Variants in RBM33 observed in about 807,000 individuals in gnomAD.
The protein encoded by RBM33 is RNA-binding protein 33.
In RBM33, 28 loss-of-function variants were observed where a neutral mutation model predicts 132.6. That is an observed-to-expected ratio of 0.21 (90% CI 0.16 to 0.29). RBM33 has a LOEUF of 0.29. RBM33 is among the 10% of genes least tolerant of loss of function. The pLI is 1.00. For synonymous variants in RBM33, 634 were observed against 593.0 expected (o/e 1.07, Z -1.01); for missense variants, 1,291 against 1,518.5 (o/e 0.85, Z 2.49).
chr7:155,711,211 T>A lies in RBM33; in HGVS notation c.957T>A (p.Ala319=). 1.3e-6 allele frequency: 2 copies of A among 1,556,030 alleles called. No individual in the cohort carries two copies. The highest frequency in any genetic ancestry group is 1.7e-6 in the Non-Finnish European group (2 of 1,150,982). ...GGTTAATTCCTCCACAGCCCCAGGC[T>A]CCCCCTCCACCGCCACCGCCGCCTC... The part of the protein sequence containing the change: ...LPTQPPVVPQ[A]PPPPPPPPQQ... Residue 319 remains alanine, a synonymous_variant, in exon 8 of 18, where the codon GCT becomes GCA. Transcript: ENST00000401878.
At position 155,680,572 on chromosome 7, in the gene RBM33, TA is replaced by T; in HGVS notation, c.249-17del. On this transcript the variant is annotated splice_polypyrimidine_tract_variant and intron_variant, in intron 4 of 17. Coordinates refer to ENST00000401878, the MANE Select transcript of RBM33 (RefSeq NM_053043.3). ...CTCTTCATTGGGTGCTTTTTTTTTT[TA>T]TTTTCGTCCTCTCTAGTTCTCAGGG... The T allele has an allele frequency of 1.3e-6, 2 of 1,500,502 alleles. No homozygotes were observed. The highest frequency in any genetic ancestry group is 1.4e-5 in the African/African-American group (1 of 71,268). 92.9% of individuals were successfully genotyped at this position (1,500,502 alleles called of 1,614,324 possible).
intron 1 of RBM33, among the ~76,000 whole-genome samples, chr7:155,661,167 A>G (rs1189013206): frequency 3.3e-5 from 3 of 91,022 alleles, no homozygotes; most frequent in Non-Finnish European, 7.4e-5. Flanking sequence ...TTTGAGACAG[A>G]GTCTCACTCT....
intron 16 of RBM33, among the ~76,000 whole-genome samples, chr7:155,770,733 T>C (rs1039362175): frequency 1.3e-5 from 2 of 151,984 alleles, no homozygotes; most frequent in African/African-American, 2.4e-5. Flanking sequence ...TATACATGCA[T>C]GCACACACAC....
Position 155,711,279 on chromosome 7 carries a change from A to G in RBM33, c.1025A>G (p.Gln342Arg). Reference sequence around the variant, plus strand: ...AGCCTGTTCCAGCCGCAGCCGCTGCAGCCGCTGCTTCCGGTGCAGCACCCG... The same window carrying G: ...AGCCTGTTCCAGCCGCAGCCGCTGCGGCCGCTGCTTCCGGTGCAGCACCCG... ...IRSLFQPQPL[Q>R]PLLPVQHPHH... The change falls in exon 8 of 18, where the codon CAG (glutamine) becomes CGG (arginine). Residue 342 changes from glutamine (Q) to arginine (R), a missense_variant. Coordinates refer to ENST00000401878, the MANE Select transcript of RBM33 (RefSeq NM_053043.3). 6.2e-7 allele frequency: 1 copy of G among 1,605,380 alleles called. No homozygotes were observed. The highest frequency in any genetic ancestry group is 1.1e-5 in the South Asian group (1 of 89,854).
intron 5 of RBM33, among the ~76,000 whole-genome samples, chr7:155,698,370 G>GA (rs11336870): frequency 8.6e-5 from 13 of 150,706 alleles, no homozygotes; most frequent in African/African-American, 1.2e-4. Context: ...CCATCTCAGG[G>GA]AAAAAAAAAA....
At chr7:155,753,646 A>G (rs1354473274) in intron 14 of RBM33, among the ~76,000 whole-genome samples, 2 of 152,192 alleles carry the variant, frequency 1.3e-5, no homozygotes, top group African/African-American at 4.8e-5. Context: ...CTGCAGGTGG[A>G]TTTCCAACAG....
Position 155,700,962 on chromosome 7 carries a change from C to T in RBM33, c.739+18C>T. 6.3e-7 allele frequency: 1 copy of T among 1,584,730 alleles called. No individual in the cohort carries two copies. Among genetic ancestry groups the T allele is most frequent in the East Asian group, 2.2e-5 (1 of 44,614 alleles). On this transcript the variant is annotated intron_variant, in intron 6 of 17. Coordinates refer to ENST00000401878, the MANE Select transcript of RBM33 (RefSeq NM_053043.3). ...AACTTTGGGTAACTTTTTTGCCTGT[C>T]TCCCATCCTCCTTTACTCTCATTTC...
chr7:155,672,901 C>G lies in RBM33; in HGVS notation c.157C>G (p.Leu53Val), dbSNP rs771830437. ...LEDDLLGEDL[L>V]SGKKNQSDLS... ...AGATGATTTACTTGGAGAAGATTTG[C>G]TATCTGGCAAAAAGGTAAGAAGTTT... is the stretch of plus-strand genomic sequence containing the variant. The change falls in exon 3 of 18, where the codon CTA (leucine) becomes GTA (valine). Residue 53 changes from leucine to valine, a missense_variant. By Grantham distance (32) the Leu-to-Val change is conservative. This residue lies in a region of RBM33 where 194 missense variants were observed against 249.8 expected (regional missense o/e 0.78). Transcript: ENST00000401878. 6.5e-7 allele frequency: 1 copy of G among 1,547,978 alleles called. No homozygotes were observed. The highest frequency in any genetic ancestry group is 2.0e-5 in the Admixed American group (1 of 50,704).
At chr7:155,673,949 T>TTTTGTTTTTTTTTTGTTTTG (rs1563138381) in intron 3 of RBM33, among the ~76,000 whole-genome samples, 8 of 106,512 alleles carry the variant, frequency 7.5e-5, no homozygotes, top group African/African-American at 2.4e-4. Flanking sequence ...AGTTTTTTTT[T>TTTTGTTTTTTTTTTGTTTTG]TTTTTTTTTT....
intron 11 of RBM33, chr7:155,738,921 T>C (rs1300760225): frequency 6.4e-6 from 1 of 156,792 alleles, no homozygotes; most frequent in African/African-American, 2.4e-5. Context: ...CATCGGCTTC[T>C]GCTTCATGGG....
At chr7:155,722,538 G>GT (rs1314948543) in intron 9 of RBM33, among the ~76,000 whole-genome samples, 2 of 152,238 alleles carry the variant, frequency 1.3e-5, no homozygotes, top group Middle Eastern at 3.4e-3. Flanking sequence ...GCTATACCTG[G>GT]TGTTTTTGTC....
intron 1 of RBM33, among the ~76,000 whole-genome samples, chr7:155,646,379 A>G (rs1318337222): frequency 6.6e-6 from 1 of 152,204 alleles, no homozygotes; most frequent in Non-Finnish European, 1.5e-5. Flanking sequence ...GAGAATTGCT[A>G]TTTTAGAAGA....
chr7:155,672,446 A>G (rs986355516), intron 2 of RBM33, among the ~76,000 whole-genome samples: 1 of 152,180 alleles, frequency 6.6e-6, no homozygotes, highest in African/African-American at 2.4e-5. Flanking sequence ...AGGAAAGCAT[A>G]GCAAACTTAA....
rs750098087 is a variant in RBM33 at position 155,763,962 on chromosome 7, C to T, written c.3130C>T (p.His1044Tyr). 46 of 1,596,802 alleles carry T rather than the reference C, an allele frequency of 2.9e-5. No individual in the cohort carries two copies. Among genetic ancestry groups the T allele is most frequent in the Middle Eastern group, 1.7e-4 (1 of 6,050 alleles). ...PPHLPAGPHA[H>Y]SPVPPGIKSI... ...ACATCTGCCAGCGGGGCCCCACGCA[C>T]ACTCGCCTGTCCCTCCAGGGATCAA... Residue 1044 changes from histidine (H) to tyrosine (Y), a missense_variant, in exon 15 of 18, where the codon CAC becomes TAC. Coordinates refer to ENST00000401878, the MANE Select transcript of RBM33 (RefSeq NM_053043.3).
intron 1 of RBM33, among the ~76,000 whole-genome samples, chr7:155,647,282 C>G (rs1476019962): frequency 4.6e-5 from 7 of 152,176 alleles, no homozygotes; most frequent in Admixed American, 4.6e-4. Context: ...ATTTCACAAC[C>G]TACAAAATGT....
chr7:155,771,913 A>AT (rs565852049), intron 16 of RBM33, among the ~76,000 whole-genome samples: 29 of 150,958 alleles, frequency 1.9e-4, no homozygotes, highest in Admixed American at 9.2e-4. Context: ...CTAATTTTTG[A>AT]TTTTTTTTTG....
chr7:155,680,407 G>GT (rs1393387106), intron 4 of RBM33, among the ~76,000 whole-genome samples, 183 bp from the exon 5 acceptor site: 1 of 152,196 alleles, frequency 6.6e-6, no homozygotes, highest in Non-Finnish European at 1.5e-5. Flanking sequence ...CGCATTAAGG[G>GT]TTTAGGGCAC....
At chr7:155,701,026 G>A in intron 6 of RBM33, 82 bp downstream of exon 6, 1 of 1,269,748 alleles carries the variant, frequency 7.9e-7, no homozygotes, top group South Asian at 1.3e-5. Flanking sequence ...ATCAAAGTAG[G>A]CAAAGAAGGT....
At chr7:155,760,163 TG>T (rs1801989350) in intron 14 of RBM33, among the ~76,000 whole-genome samples, 1 of 152,236 alleles carries the variant, frequency 6.6e-6, no homozygotes, top group Non-Finnish European at 1.5e-5. Flanking sequence ...TGAGACATTT[TG>T]GTAAGCTGAA....
Sources: allele counts gnomAD v4.1 joint callset (sites outside exome capture counted in the v4.1 genomes callset), GRCh38; gene constraint gnomAD v4.1.1; regional missense constraint gnomAD v4.1.1; transcripts MANE v1.5; gene names NCBI Gene and HGNC (gene_info 2026-07-23, HGNC 2026-07-21).